The following GALNT17 variants were observed in gnomAD, a reference collection of about 807,000 sequenced individuals.
GALNT17 encodes polypeptide N-acetylgalactosaminyltransferase 17, also known as UDP-GalNAc:polypeptide N-acetylgalactosaminyltransferase-like 3.
A neutral mutation model predicts 63.7 loss-of-function variants in GALNT17; 29 were observed. That is an observed-to-expected ratio of 0.46 (90% CI 0.34 to 0.62). GALNT17 has a LOEUF of 0.62. Among genes scored for constraint, GALNT17 ranks in the 20% least tolerant of loss-of-function variants. The probability of loss-of-function intolerance (pLI) is 0.01; values close to 1 mark genes in which losing one functional copy is unlikely to be tolerated. For synonymous variants in GALNT17, 305 were observed against 318.3 expected (o/e 0.96, Z 0.45); for missense variants, 603 against 799.6 (o/e 0.75, Z 2.97).
At chr7:71,478,372 G>A (rs1311457712) in intron 5 of GALNT17, among the ~76,000 whole-genome samples, 1 of 152,040 alleles carries the variant, frequency 6.6e-6, no homozygotes, top group Non-Finnish European at 1.5e-5. Flanking sequence ...AGTGCAGTGT[G>A]GCATGATCAT....
intron 9 of GALNT17, among the ~76,000 whole-genome samples, chr7:71,703,677 T>C (rs1791684355): frequency 6.6e-6 from 1 of 151,562 alleles, no homozygotes; most frequent in Non-Finnish European, 1.5e-5. Flanking sequence ...ATTAAAGGTA[T>C]AAGAGAGAGG....
rs200600483 is a variant in GALNT17 at position 71,346,422 on chromosome 7, G to A, written c.422+10689G>A. On this transcript the variant is annotated intron_variant, in intron 2 of 10. Transcript: ENST00000333538. ...ATTGACTACCTTTTATGTTTTTGTC[G>A]CTGTATGGCATGTTTTATTGATCTC... Among the ~76,000 whole-genome samples the A allele has an allele frequency of 1.5e-4, 23 of 151,848 alleles. No individual in the cohort carries two copies. In the East Asian group the frequency reaches 3.3e-3, roughly 22 times the overall value.
intron 1 of GALNT17, among the ~76,000 whole-genome samples, chr7:71,306,479 A>G (rs12699011): frequency 2.0e-5 from 3 of 152,000 alleles, no homozygotes; most frequent in Non-Finnish European, 4.4e-5. Flanking sequence ...AAGTGAAATC[A>G]TACAGTAATT....
chr7:71,691,887 T>TTTCTTC (rs1554325509), intron 9 of GALNT17, among the ~76,000 whole-genome samples: 1 of 149,854 alleles, frequency 6.7e-6, no homozygotes, highest in Non-Finnish European at 1.5e-5. Context: ...TTCCTTCCTT[T>TTTCTTC]CTTCCTTCCT....
chr7:71,668,343 C>T (rs1342925924), intron 7 of GALNT17, among the ~76,000 whole-genome samples: 1 of 151,530 alleles, frequency 6.6e-6, no homozygotes, highest in Non-Finnish European at 1.5e-5. Context: ...ATGGAGAAAC[C>T]CTGTCTCCAC....
chr7:71,532,210 C>G (rs559754216), intron 5 of GALNT17, among the ~76,000 whole-genome samples: 1 of 152,228 alleles, frequency 6.6e-6, no homozygotes, highest in Admixed American at 6.5e-5. Context: ...GCTTGTGCCT[C>G]CCATTGGCAG....
At chr7:71,265,098 T>TTTTATATATATATATATA (rs144493671) in intron 1 of GALNT17, among the ~76,000 whole-genome samples, 1,080 of 77,918 alleles carry the variant, frequency 0.014, 147 homozygotes, top group Middle Eastern at 0.018. Context: ...CCCATAAATA[T>TTTTATATATATATATATA]TATATATATA....
chr7:71,345,527 G>A (rs1463129660), intron 2 of GALNT17, among the ~76,000 whole-genome samples: 1 of 152,184 alleles, frequency 6.6e-6, no homozygotes, highest in Non-Finnish European at 1.5e-5. Flanking sequence ...CTGGCATGAT[G>A]ACCCTGTGGA....
intron 8 of GALNT17, among the ~76,000 whole-genome samples, chr7:71,670,993 A>G (rs761603592): frequency 1.3e-5 from 2 of 152,212 alleles, no homozygotes; most frequent in Non-Finnish European, 1.5e-5. Flanking sequence ...ACAATGCCTA[A>G]TAATTTGAAA....
chr7:71,396,618 T>C (rs1355204460), intron 3 of GALNT17, among the ~76,000 whole-genome samples: 1 of 152,200 alleles, frequency 6.6e-6, no homozygotes, highest in African/African-American at 2.4e-5. Context: ...CATTTACATA[T>C]TAATTTCAAG....
chr7:71,528,649 C>T (rs1299248477), intron 5 of GALNT17, among the ~76,000 whole-genome samples: 1 of 152,142 alleles, frequency 6.6e-6, no homozygotes, highest in African/African-American at 2.4e-5. Flanking sequence ...TGGTCTACAT[C>T]ACATTCATCA....
chr7:71,485,105 A>C (rs1787888963), intron 5 of GALNT17, among the ~76,000 whole-genome samples: 1 of 136,010 alleles, frequency 7.4e-6, no homozygotes, highest in Non-Finnish European at 1.6e-5. Flanking sequence ...CACCATGCCC[A>C]GCCAGGATTT....
intron 6 of GALNT17, among the ~76,000 whole-genome samples, chr7:71,613,916 C>T (rs1790161696): frequency 6.6e-6 from 1 of 151,480 alleles, no homozygotes; most frequent in Admixed American, 6.6e-5. Context: ...CGAGTCACTA[C>T]ATTGCAGCCT....
intron 5 of GALNT17, among the ~76,000 whole-genome samples, chr7:71,441,171 C>T (rs1338919140): frequency 2.0e-5 from 3 of 151,856 alleles, no homozygotes; most frequent in South Asian, 2.1e-4. Flanking sequence ...TATAGGCGCC[C>T]GCCACCACGC....
chr7:71,335,432 C>A, intron 1 of GALNT17, 118 bp from the exon 2 acceptor site: 1 of 1,029,520 alleles, frequency 9.7e-7, no homozygotes, highest in Non-Finnish European at 1.3e-6. Context: ...AAATTGAGGA[C>A]ATCATTTTTT....
At chr7:71,312,486 G>C (rs1342262746) in intron 1 of GALNT17, among the ~76,000 whole-genome samples, 1 of 152,176 alleles carries the variant, frequency 6.6e-6, no homozygotes, top group East Asian at 1.9e-4. Flanking sequence ...AGTGTATTCT[G>C]AGTACCATAA....
chr7:71,623,141 C>T (rs1027059645), intron 6 of GALNT17, among the ~76,000 whole-genome samples: 4 of 152,060 alleles, frequency 2.6e-5, no homozygotes, highest in East Asian at 1.9e-4. Flanking sequence ...TCTCTGTTTG[C>T]GTAGCAGTGA....
intron 1 of GALNT17, among the ~76,000 whole-genome samples, chr7:71,229,220 G>A (rs1295594576): frequency 1.3e-5 from 2 of 152,334 alleles, no homozygotes; most frequent in East Asian, 1.9e-4. Flanking sequence ...GTGGCCCAGC[G>A]CTCAGATGGT....
At chr7:71,243,628 C>T (rs1428540754) in intron 1 of GALNT17, among the ~76,000 whole-genome samples, 1 of 151,966 alleles carries the variant, frequency 6.6e-6, no homozygotes, top group Non-Finnish European at 1.5e-5. Flanking sequence ...TGGACTCAAA[C>T]TCCTGAGTTC....
Sources: gnomAD v4.1 joint callset for allele counts (sites outside exome capture counted in the v4.1 genomes callset) on GRCh38, gnomAD v4.1.1 for gene constraint, MANE v1.5 for transcripts, NCBI Gene and HGNC (gene_info 2026-07-23, HGNC 2026-07-21) for gene names.